CDH13: variants seen among roughly 807,000 people sequenced by gnomAD.
CDH13 encodes the protein cadherin 13.
Under a neutral mutation model 63.8 loss-of-function variants are expected in CDH13, and 24 were observed. The ratio of observed to expected loss-of-function variants is 0.38; its 90% confidence interval spans 0.27 to 0.53. The LOEUF is 0.53. Ranked by LOEUF, CDH13 falls within the 20% of genes least tolerant of loss-of-function variation. The pLI is 0.85. For missense variants in CDH13, 1,049 were observed against 903.1 expected (o/e 1.16, Z -2.07); for synonymous variants, 503 against 355.3 (o/e 1.42, Z -4.67).
intron 7 of CDH13, among the ~76,000 whole-genome samples, chr16:83,565,148 G>A (rs569196563): frequency 7.2e-5 from 11 of 152,050 alleles, no homozygotes; most frequent in African/African-American, 2.4e-4. Context: ...TTCAGGCCCA[G>A]TGATCCTTTT....
chr16:83,630,657 C>T (rs1169964386), intron 8 of CDH13, among the ~76,000 whole-genome samples: 2 of 152,172 alleles, frequency 1.3e-5, no homozygotes, highest in African/African-American at 4.8e-5. Context: ...GCATTTGTCT[C>T]AGGTGAGCAG....
chr16:83,391,415 C>G (rs557163266), intron 6 of CDH13, among the ~76,000 whole-genome samples: 1 of 151,862 alleles, frequency 6.6e-6, no homozygotes, highest in Non-Finnish European at 1.5e-5. Flanking sequence ...CATGTTGGCC[C>G]GGCTGGTCTC....
chr16:83,328,607 T>A (rs1455849283), intron 5 of CDH13, among the ~76,000 whole-genome samples: 1 of 152,106 alleles, frequency 6.6e-6, no homozygotes. Flanking sequence ...GGGTAAGAGA[T>A]GGTGGCTTGG....
intron 4 of CDH13, among the ~76,000 whole-genome samples, chr16:83,176,142 T>C (rs570319735): frequency 6.6e-6 from 1 of 151,536 alleles, no homozygotes; most frequent in African/African-American, 2.4e-5. Context: ...GAGCTACCAT[T>C]CCCGGCCTCA....
chr16:82,820,547 CAGTTATTTTT>C (rs1345970417), intron 1 of CDH13, among the ~76,000 whole-genome samples: 2 of 152,164 alleles, frequency 1.3e-5, no homozygotes, highest in Admixed American at 1.3e-4. Context: ...AACTGCACTG[CAGTTATTTTT>C]AGAGCCCAGG....
chr16:82,892,695 A>G (rs1437733735), intron 2 of CDH13, among the ~76,000 whole-genome samples: 7 of 152,250 alleles, frequency 4.6e-5, no homozygotes, highest in African/African-American at 1.2e-4. Flanking sequence ...ATTAAAAATA[A>G]CTAGAGAAAC....
intron 1 of CDH13, among the ~76,000 whole-genome samples, chr16:82,785,880 A>T (rs1473999712): frequency 6.6e-6 from 1 of 152,192 alleles, no homozygotes; most frequent in East Asian, 1.9e-4. Flanking sequence ...TTACAGATGG[A>T]ACTATGGTGA....
intron 1 of CDH13, among the ~76,000 whole-genome samples, chr16:82,771,502 C>T (rs1007981400): frequency 2.6e-5 from 4 of 152,134 alleles, no homozygotes; most frequent in African/African-American, 9.7e-5. Context: ...CTCGCTTCAC[C>T]ACACCTGTGC....
chr16:82,871,736 G>C (rs943534580), intron 2 of CDH13, among the ~76,000 whole-genome samples: 2 of 152,034 alleles, frequency 1.3e-5, no homozygotes, highest in African/African-American at 4.8e-5. Flanking sequence ...AGTTGGCTTT[G>C]GAAACACTTG....
In CDH13 at chr16:82,866,377, C is replaced by CTTTTTTTTTTT. The variant is rs538206338; in HGVS notation, c.157+7923_157+7933dup. 1.7e-3 allele frequency among the ~76,000 whole-genome samples: 101 copies of CTTTTTTTTTTT among 58,314 alleles called. 12 individuals carry two copies. The highest frequency in any genetic ancestry group is 2.9e-3 in the Admixed American group (11 of 3,756). 38.3% of individuals were successfully genotyped at this position (58,314 alleles called of 152,430 possible). On this transcript the variant is annotated intron_variant, in intron 2 of 13. Transcript: ENST00000567109. ...TCTGTTTTCTTTTCTTTTTCTTCTT[C>CTTTTTTTTTTT]TTTTTTTTTTTTTTTTTTTTTTTTT... is the stretch of plus-strand genomic sequence containing the variant.
intron 5 of CDH13, among the ~76,000 whole-genome samples, chr16:83,272,566 C>T (rs557625882): frequency 1.3e-4 from 20 of 152,178 alleles, no homozygotes; most frequent in South Asian, 6.2e-4. Context: ...CGTTGCAGTC[C>T]GGGGCTCATC....
intron 2 of CDH13, among the ~76,000 whole-genome samples, chr16:82,962,765 G>A (rs1434766361): frequency 2.0e-5 from 3 of 152,130 alleles, no homozygotes; most frequent in Non-Finnish European, 4.4e-5. Flanking sequence ...CAGATCTCAA[G>A]GTGTCAGTAT....
chr16:83,085,280 C>G (rs575287411), intron 3 of CDH13, among the ~76,000 whole-genome samples: 12 of 152,270 alleles, frequency 7.9e-5, no homozygotes, highest in African/African-American at 2.6e-4. Context: ...GAGATTTATT[C>G]ACTATCATGA....
chr16:83,090,274 T>G (rs934352506), intron 3 of CDH13, among the ~76,000 whole-genome samples: 2 of 152,164 alleles, frequency 1.3e-5, no homozygotes, highest in Admixed American at 6.5e-5. Context: ...CCTATAGAGA[T>G]GCCAAGCCAT....
chr16:83,156,283 C>T (rs74679548), intron 4 of CDH13, among the ~76,000 whole-genome samples: 125 of 152,290 alleles, frequency 8.2e-4, no homozygotes, highest in Non-Finnish European at 1.5e-3. Flanking sequence ...GCCACTGGTT[C>T]TTTAAAAGCA....
At chr16:83,791,070 C>T (rs904431535) in intron 13 of CDH13, among the ~76,000 whole-genome samples, 1 of 151,990 alleles carries the variant, frequency 6.6e-6, no homozygotes, top group Non-Finnish European at 1.5e-5. Context: ...GTAATCCCAG[C>T]ACTTTGGGAG....
chr16:83,085,753 A>G (rs2033550962), intron 3 of CDH13, among the ~76,000 whole-genome samples: 1 of 152,240 alleles, frequency 6.6e-6, no homozygotes, highest in Non-Finnish European at 1.5e-5. Flanking sequence ...AGTCAAATAC[A>G]TATATTTGGG....
At chr16:83,182,953 A>G (rs1054522964) in intron 4 of CDH13, among the ~76,000 whole-genome samples, 9 of 152,102 alleles carry the variant, frequency 5.9e-5, no homozygotes, top group Non-Finnish European at 4.4e-5. Context: ...TAACTCACCA[A>G]TTGTGGCAGT....
intron 2 of CDH13, among the ~76,000 whole-genome samples, chr16:82,994,735 A>G (rs998287280): frequency 6.6e-6 from 1 of 152,216 alleles, no homozygotes; most frequent in Non-Finnish European, 1.5e-5. Flanking sequence ...CAAGCCCCAA[A>G]CAAACACTTC....
Sources: allele counts gnomAD v4.1 joint callset (sites outside exome capture counted in the v4.1 genomes callset), GRCh38; gene constraint gnomAD v4.1.1; transcripts MANE v1.5; gene names NCBI Gene and HGNC (gene_info 2026-07-23, HGNC 2026-07-21).